C2CD2L: variants seen among roughly 807,000 people sequenced by gnomAD.
C2CD2L encodes the protein C2CD2 like.
Under a neutral mutation model 69.9 loss-of-function variants are expected in C2CD2L, and 24 were observed. The observed-to-expected ratio is 0.34, with a 90% CI of 0.25 to 0.48. The LOEUF (loss-of-function observed/expected upper bound fraction) is 0.48, where lower values mean the gene tolerates loss of function less well. C2CD2L is among the 20% of genes least tolerant of loss of function. The pLI is 0.99. For synonymous variants in C2CD2L, 367 were observed against 391.0 expected, an observed-to-expected ratio of 0.94 and a Z score of 0.72; for missense variants, 811 against 941.5, an observed-to-expected ratio of 0.86 and a Z score of 1.81.
rs1186554371 is a variant in C2CD2L, at chr11:119,113,954, A to G, written c.1589A>G (p.Lys530Arg). Residue 530 changes from lysine to arginine, a missense_variant, in exon 12 of 14, where the codon AAG becomes AGG. Lys to Arg is a conservative substitution (Grantham distance 26). Transcript: ENST00000648610. The stretch of plus-strand genomic sequence containing the variant: ...CGGGTGGCCAAGAAGACACCCACCA[A>G]GCGCAGCACTCTCATCATCTCTGGT... ...SGRVAKKTPT[K>R]RSTLIISGVS... 6.2e-7 allele frequency: 1 copy of G among 1,614,086 alleles called. No homozygotes were observed. The highest frequency in any genetic ancestry group is 8.5e-7 in the Non-Finnish European group (1 of 1,180,028).
chr11:119,114,588 C>T lies in C2CD2L; in HGVS notation c.1909+223C>T, dbSNP rs958435655. 3 of 577,544 alleles carry T rather than the reference C, an allele frequency of 5.2e-6. No individual in the cohort carries two copies. In the South Asian group the frequency reaches 6.2e-5, roughly 12 times the overall value. The allele number at this position is 577,544 out of a possible 1,614,324, so 35.8% of individuals were successfully genotyped here. On this transcript the variant is annotated intron_variant, in intron 13 of 13. Coordinates refer to ENST00000648610, the MANE Select transcript of C2CD2L (RefSeq NM_001290474.2). The surrounding 1 kb of genome is among the most constrained non-coding windows in gnomAD (Gnocchi z 5.1). The stretch of plus-strand genomic sequence containing the variant: ...AGGGATGCCAAATTATTTCCCTTTA[C>T]CTCCATTGTTCTTTCTTCCTGAGTC...
Position 119,111,289 on chromosome 11 carries a change from G to T in C2CD2L, c.825G>T (p.Met275Ile). ...GLVPSEKPPM[M>I]PQAQPAIPRP... ...TACCCAGTGAGAAGCCACCCATGAT[G>T]CCCCAGGCTCAGCCAGCCATCCCCA... Residue 275 changes from methionine to isoleucine, a missense_variant, in exon 6 of 14, where the codon ATG becomes ATT. Physicochemically the swap from Met to Ile is conservative, Grantham distance 10. Transcript: ENST00000648610. 1.2e-6 allele frequency: 2 copies of T among 1,614,170 alleles called. No individual in the cohort carries two copies. The highest frequency in any genetic ancestry group is 1.7e-6 in the Non-Finnish European group (2 of 1,180,020).
At chr11:119,104,710 T>G (rs531289378), upstream of C2CD2L, among the ~76,000 whole-genome samples, 54 of 152,356 alleles carry the variant, frequency 3.5e-4, no homozygotes, top group African/African-American at 1.3e-3. Context: ...GTGTTTGAGA[T>G]GCACACCTCT....
At chr11:119,113,551 G>A in intron 10 of C2CD2L, 60 bp from the exon 11 acceptor site, 2 of 1,551,846 alleles carry the variant, frequency 1.3e-6, no homozygotes, top group Admixed American at 2.0e-5. Flanking sequence ...AACAAAGACA[G>A]TAGGGGTGGG....
chr11:119,104,792 C>T (rs1946553907), upstream of C2CD2L, among the ~76,000 whole-genome samples: 1 of 152,206 alleles, frequency 6.6e-6, no homozygotes, highest in Non-Finnish European at 1.5e-5. Context: ...CAAAGCCTGT[C>T]CCAAAAATGT....
chr11:119,111,505 T>C lies in C2CD2L; in HGVS notation c.911-16T>C, dbSNP rs917807433. 1.9e-6 allele frequency: 3 copies of C among 1,612,950 alleles called. No individual in the cohort carries two copies. In the Admixed American group the frequency reaches 5.0e-5, roughly 27 times the overall value. ...ATCTCTGATCTGAGCATCTTCTAAC[T>C]TCTGGTTCATCACAGGCACCGAGGA... On this transcript the variant is annotated splice_polypyrimidine_tract_variant and intron_variant, in intron 6 of 13. Transcript: ENST00000648610.
At chr11:119,108,714 C>T (rs1373263823) in intron 1 of C2CD2L, among the ~76,000 whole-genome samples, 1 of 152,186 alleles carries the variant, frequency 6.6e-6, no homozygotes, top group Non-Finnish European at 1.5e-5. Context: ...AGCCTACTTC[C>T]TCCCATTGCA....
At position 119,116,715 on chromosome 11, in the gene C2CD2L, C is replaced by G. The variant is rs911204112; in HGVS notation, c.*459C>G. ...CTGTCCCAGGAGGGTGGGTAATTCC[C>G]TTTGGGATGGGGCTCCCACACCTCC... On this transcript the variant is annotated 3_prime_UTR_variant, in exon 14 of 14. Coordinates refer to ENST00000648610, the MANE Select transcript of C2CD2L (RefSeq NM_001290474.2). 1.2e-5 allele frequency: 2 copies of G among 169,404 alleles called. No homozygotes were observed. Among genetic ancestry groups the G allele is most frequent in the Non-Finnish European group, 2.6e-5 (2 of 76,508 alleles). 10.5% of individuals were successfully genotyped at this position (169,404 alleles called of 1,614,324 possible).
In C2CD2L at chr11:119,110,885, G is replaced by A. The variant is rs1316243841; in HGVS notation, c.609G>A (p.Leu203=). ...VNLEEIPGEG[L]LISWAFTDRP... ...TGGAGGAAATCCCTGGTGAGGGGCTGCTCATATCCTGGGCCTTCACTGATC... is the reference window on the plus strand; with the variant it reads ...TGGAGGAAATCCCTGGTGAGGGGCTACTCATATCCTGGGCCTTCACTGATC... Residue 203 remains leucine, a synonymous_variant, in exon 4 of 14, where the codon CTG becomes CTA. Coordinates refer to ENST00000648610, the MANE Select transcript of C2CD2L (RefSeq NM_001290474.2). This position sits in a 1 kb window ranked among gnomAD's most constrained non-coding sequence, Gnocchi z 5.7. 2 of 1,614,046 alleles carry A rather than the reference G, an allele frequency of 1.2e-6. No individual in the cohort carries two copies. The highest frequency in any genetic ancestry group is 2.7e-5 in the African/African-American group (2 of 74,934).
At chr11:119,104,964 A>G (rs1435769573), upstream of C2CD2L, among the ~76,000 whole-genome samples, 1 of 152,238 alleles carries the variant, frequency 6.6e-6, no homozygotes, top group Non-Finnish European at 1.5e-5. Flanking sequence ...ATTAAAAGCA[A>G]GCCCCAGGAT....
Position 119,107,419 on chromosome 11 carries a change from A to C in C2CD2L, c.-323A>C. The C allele has an allele frequency of 4.3e-6, 1 of 232,030 alleles. No homozygotes were observed. 14.4% of individuals were successfully genotyped at this position (232,030 alleles called of 1,614,324 possible). A position where few individuals can be genotyped will look rare whatever the true frequency, so the allele number is the denominator to read the frequency against. ...GGCCCGCGAGCCCCAGCGTCTCTGC[A>C]GACCAGTCCCCTCCAGGGTCCGGCG... On this transcript the variant is annotated 5_prime_UTR_variant, in exon 1 of 14. Coordinates refer to ENST00000648610, the MANE Select transcript of C2CD2L (RefSeq NM_001290474.2). This position sits in a 1 kb window ranked among gnomAD's most constrained non-coding sequence, Gnocchi z 5.4.
At position 119,115,985 on chromosome 11, in the gene C2CD2L, G is replaced by A. The variant is rs1946876460; in HGVS notation, c.1910-60G>A. On this transcript the variant is annotated intron_variant, in intron 13 of 13. Transcript: ENST00000648610. ...TCCCTCCATTCTCCATCGTGTCTCTGCCCCCGTCTCACCCCACCCCGTGCC... is the reference window on the plus strand; with the variant it reads ...TCCCTCCATTCTCCATCGTGTCTCTACCCCCGTCTCACCCCACCCCGTGCC... 6 of 1,376,390 alleles carry A rather than the reference G, an allele frequency of 4.4e-6. No individual in the cohort carries two copies. In the Admixed American group the frequency reaches 9.1e-5, roughly 21 times the overall value. The allele number at this position is 1,376,390 out of a possible 1,614,324, so 85.3% of individuals were successfully genotyped here.
intron 10 of C2CD2L, chr11:119,113,129 G>A (rs1208082195): frequency 1.3e-5 from 7 of 549,582 alleles, no homozygotes; most frequent in Non-Finnish European, 1.9e-5. Flanking sequence ...CAGGACTGTT[G>A]CACTCCTACC....
At chr11:119,105,348 G>A (rs1325611744), upstream of C2CD2L, among the ~76,000 whole-genome samples, 1 of 152,164 alleles carries the variant, frequency 6.6e-6, no homozygotes, top group African/African-American at 2.4e-5. Flanking sequence ...GAAGAAAGAA[G>A]GAGGACTAGG....
At position 119,111,289 on chromosome 11, in the gene C2CD2L, G is replaced by A; in HGVS notation, c.825G>A (p.Met275Ile). 6.2e-7 allele frequency: 1 copy of A among 1,614,170 alleles called. No individual in the cohort carries two copies. The highest frequency in any genetic ancestry group is 2.2e-5 in the East Asian group (1 of 44,876). The change falls in exon 6 of 14, where the codon ATG becomes ATA. Residue 275 changes from methionine to isoleucine, a missense_variant. Coordinates refer to ENST00000648610, the MANE Select transcript of C2CD2L (RefSeq NM_001290474.2). ...GLVPSEKPPM[M>I]PQAQPAIPRP... ...TACCCAGTGAGAAGCCACCCATGAT[G>A]CCCCAGGCTCAGCCAGCCATCCCCA...
chr11:119,114,540 G>A lies in C2CD2L; in HGVS notation c.1909+175G>A. Reference sequence around the variant, plus strand: ...TCTTGGTGCCTTGGTTCCTGGCCTAGATCTGACATGCTTGTGATAGGAAGG... The same window carrying A: ...TCTTGGTGCCTTGGTTCCTGGCCTAAATCTGACATGCTTGTGATAGGAAGG... On this transcript the variant is annotated intron_variant, in intron 13 of 13. Transcript: ENST00000648610. The surrounding 1 kb of genome is among the most constrained non-coding windows in gnomAD (Gnocchi z 5.1). 2 of 624,522 alleles carry A rather than the reference G, an allele frequency of 3.2e-6. No individual in the cohort carries two copies. The highest frequency in any genetic ancestry group is 2.8e-6 in the Non-Finnish European group (1 of 357,862). 38.7% of individuals were successfully genotyped at this position (624,522 alleles called of 1,614,324 possible).
At position 119,113,995 on chromosome 11, in the gene C2CD2L, G is replaced by C; in HGVS notation, c.1623+7G>C. The C allele has an allele frequency of 6.2e-7, 1 of 1,613,844 alleles. No individual in the cohort carries two copies. The highest frequency in any genetic ancestry group is 1.1e-5 in the South Asian group (1 of 91,078). ...CATCTCTGGTGTTTCCAAGGTAACA[G>C]GGCTCTGGGGAGAGGAGCTGGGATG... On this transcript the variant is annotated splice_region_variant and intron_variant, in intron 12 of 13. Transcript: ENST00000648610.
intron 4 of C2CD2L, 45 bp downstream of exon 4, chr11:119,111,002 G>A (rs1342138579): frequency 6.2e-7 from 1 of 1,613,130 alleles, no homozygotes; most frequent in Non-Finnish European, 8.5e-7. Context: ...CGGGGAGGGA[G>A]GCAGAGGTGG....
At chr11:119,112,071 C>G (rs942833344) in intron 7 of C2CD2L, 10 of 521,402 alleles carry the variant, frequency 1.9e-5, no homozygotes, top group Non-Finnish European at 3.1e-5. Flanking sequence ...GGGTGGCTTG[C>G]AACTGAGAGA....
Sources: allele counts gnomAD v4.1 joint callset (sites outside exome capture counted in the v4.1 genomes callset), GRCh38; gene constraint gnomAD v4.1.1; non-coding constraint Gnocchi (gnomAD v3.1); transcripts MANE v1.5; gene names NCBI Gene and HGNC (gene_info 2026-07-23, HGNC 2026-07-21).